The following CEP57 variants were observed in gnomAD, a reference collection of about 807,000 sequenced individuals.
CEP57 encodes centrosomal protein of 57 kDa.
Under a neutral mutation model 68.0 loss-of-function variants are expected in CEP57, and 40 were observed. The observed-to-expected ratio is 0.59, with a 90% CI of 0.46 to 0.77. The LOEUF (loss-of-function observed/expected upper bound fraction) is 0.77, where lower values mean the gene tolerates loss of function less well. CEP57 is among the 30% of genes least tolerant of loss of function. The pLI, the probability that CEP57 is intolerant of heterozygous loss-of-function variation, is 0.00. For synonymous variants in CEP57, 219 were observed against 198.7 expected (o/e 1.10, Z -0.86); for missense variants, 606 against 580.7 (o/e 1.04, Z -0.45).
intron 4 of CEP57, among the ~76,000 whole-genome samples, chr11:95,815,920 A>G (rs1475632966): frequency 1.3e-5 from 2 of 152,166 alleles, no homozygotes; most frequent in Non-Finnish European, 2.9e-5. Context: ...CCTGGCTCCA[A>G]TATTGCCTTG....
intron 1 of CEP57, among the ~76,000 whole-genome samples, chr11:95,798,362 A>G (rs1160521582): frequency 6.6e-6 from 1 of 152,210 alleles, no homozygotes; most frequent in African/African-American, 2.4e-5. Context: ...GAGATTGTTT[A>G]CTGTTTTAAA....
At chr11:95,813,256 C>A in intron 3 of CEP57, 145 bp downstream of exon 3, 2 of 1,012,736 alleles carry the variant, frequency 2.0e-6, no homozygotes, top group Non-Finnish European at 2.9e-6. Context: ...TTTTGAGGAG[C>A]AAATGCTGTT....
In CEP57 at chr11:95,813,720, G is replaced by T. The variant is rs1591067003; in HGVS notation, c.504+131G>T. 3 of 1,048,852 alleles carry T rather than the reference G, an allele frequency of 2.9e-6. No homozygotes were observed. The East Asian group carries it at 7.8e-5, about 27-fold the overall frequency. The allele number at this position is 1,048,852 out of a possible 1,614,324, so 65.0% of individuals were successfully genotyped here. A position where few individuals can be genotyped will look rare whatever the true frequency, so the allele number is the denominator to read the frequency against. ...CCAGGACTGAAATTTCTTGGCATCAGTTATGAAATCTAAATATGTGATTGG... is the reference window on the plus strand; with the variant it reads ...CCAGGACTGAAATTTCTTGGCATCATTTATGAAATCTAAATATGTGATTGG... On this transcript the variant is annotated intron_variant, in intron 4 of 10. Transcript: ENST00000325542.
chr11:95,811,986 A>T (rs1489387021), intron 2 of CEP57, among the ~76,000 whole-genome samples: 1 of 152,134 alleles, frequency 6.6e-6, no homozygotes, highest in African/African-American at 2.4e-5. Flanking sequence ...TATAGGAAAA[A>T]ATTTAAATAA....
chr11:95,811,580 TAAAAA>T (rs57349391), intron 2 of CEP57, among the ~76,000 whole-genome samples: 2 of 132,752 alleles, frequency 1.5e-5, no homozygotes, highest in African/African-American at 5.5e-5. Flanking sequence ...AAAGTATAAT[TAAAAA>T]AAAAAAAAAC....
intron 3 of CEP57, 25 bp from the exon 4 acceptor site, chr11:95,813,443 T>C (rs200167788): frequency 1.2e-6 from 2 of 1,607,734 alleles, no homozygotes; most frequent in South Asian, 1.1e-5. Context: ...AGTTGATTTC[T>C]GCTTTTCTTA....
chr11:95,808,357 A>G (rs1861902826), intron 2 of CEP57, among the ~76,000 whole-genome samples: 1 of 152,198 alleles, frequency 6.6e-6, no homozygotes, highest in African/African-American at 2.4e-5. Flanking sequence ...GATCAAATTC[A>G]CACATAACAA....
chr11:95,799,240 T>G lies in CEP57; in HGVS notation c.54T>G (p.Phe18Leu). The change falls in exon 2 of 11, where the codon TTT becomes TTG. Residue 18 changes from phenylalanine to leucine, a missense_variant. Coordinates refer to ENST00000325542, the MANE Select transcript of CEP57 (RefSeq NM_014679.5). ...GTGTCTTTATTTTTTAGAACAGCTT[T>G]GCTGAGCCATCAAGGTCTAATGGAA... ...AASGSHLSNS[F>L]AEPSRSNGSM... 1 of 1,614,126 alleles carries G rather than the reference T, an allele frequency of 6.2e-7. No individual in the cohort carries two copies. Among genetic ancestry groups the G allele is most frequent in the Non-Finnish European group, 8.5e-7 (1 of 1,179,988 alleles).
At chr11:95,817,610 A>G (rs939183399) in intron 4 of CEP57, among the ~76,000 whole-genome samples, 177 bp from the exon 5 acceptor site, 2 of 152,216 alleles carry the variant, frequency 1.3e-5, no homozygotes, top group African/African-American at 4.8e-5. Flanking sequence ...AACTGAGCTA[A>G]GAACAGTATC....
At chr11:95,819,147 G>T (rs553842178) in intron 6 of CEP57, among the ~76,000 whole-genome samples, 2 of 152,026 alleles carry the variant, frequency 1.3e-5, no homozygotes, top group Admixed American at 6.5e-5. Context: ...AAAAATAACA[G>T]ACTAAAAAAC....
At chr11:95,816,523 A>G (rs1237152044) in intron 4 of CEP57, among the ~76,000 whole-genome samples, 10 of 152,222 alleles carry the variant, frequency 6.6e-5, no homozygotes, top group Non-Finnish European at 1.2e-4. Flanking sequence ...TGACTAATAT[A>G]TGTCTTGGAG....
At chr11:95,821,999 C>T (rs1327437279) in intron 7 of CEP57, 21 bp downstream of exon 7, 6 of 1,523,238 alleles carry the variant, frequency 3.9e-6, no homozygotes, top group Non-Finnish European at 3.6e-6. Context: ...AGAACCAAAT[C>T]AGGCAAAATG....
Position 95,827,916 on chromosome 11 carries a change from G to T in CEP57, c.1016G>T (p.Arg339Leu), listed in dbSNP as rs147322386. ...CCTTTGGCAAAGCAAGTATCTTCAC[G>T]AGGTGGTAAAAGTAAGAAGTTGTCA... ...SIPLAKQVSS[R>L]GGKSKKLSVT... Residue 339 changes from arginine (R) to leucine (L), a missense_variant, in exon 9 of 11, where the codon CGA becomes CTA. Physicochemically the swap from Arg to Leu is moderately radical, Grantham distance 102. Coordinates refer to ENST00000325542, the MANE Select transcript of CEP57 (RefSeq NM_014679.5). The T allele has an allele frequency of 1.9e-6, 3 of 1,614,108 alleles. No individual in the cohort carries two copies. The highest frequency in any genetic ancestry group is 1.1e-5 in the South Asian group (1 of 91,076).
chr11:95,795,736 C>A (rs532070622), intron 1 of CEP57, among the ~76,000 whole-genome samples: 1 of 152,104 alleles, frequency 6.6e-6, no homozygotes, highest in Non-Finnish European at 1.5e-5. Context: ...TGTTGACGAT[C>A]GTATTGATAT....
At chr11:95,816,784 G>A (rs143404430) in intron 4 of CEP57, among the ~76,000 whole-genome samples, 1,528 of 152,210 alleles carry the variant, frequency 0.01, 16 homozygotes, top group Admixed American at 0.02. Context: ...AATGGTTTAC[G>A]GGTGGATTAC....
chr11:95,794,391 C>G, intron 1 of CEP57: 3 of 450,346 alleles, frequency 6.7e-6, no homozygotes, highest in South Asian at 4.7e-5. Context: ...CTCGGTCATA[C>G]TAAATTGTTT....
At chr11:95,818,960 C>T (rs961996507) in intron 6 of CEP57, 56 bp downstream of exon 6, 4 of 1,300,028 alleles carry the variant, frequency 3.1e-6, no homozygotes, top group Middle Eastern at 3.7e-4. Context: ...TTTTTGTGTA[C>T]AAGTAAACAA....
intron 2 of CEP57, among the ~76,000 whole-genome samples, chr11:95,812,423 T>TA (rs1862107141): frequency 6.6e-6 from 1 of 151,934 alleles, no homozygotes; most frequent in Admixed American, 6.6e-5. Flanking sequence ...GTCTTTTTTT[T>TA]AATTTATTAT....
Position 95,817,899 on chromosome 11 carries a change from C to T in CEP57, c.617C>T (p.Ala206Val). ...AAACTTACCACAATGCAGGCCCTTG[C>T]AGAAGTCAGTGCATGTGTCTTTTTA... ...YNKLTTMQALAEKKMQELEAK... is the reference protein window; with the variant it reads ...YNKLTTMQALVEKKMQELEAK... The change falls in exon 5 of 11, where the codon GCA (alanine) becomes GTA (valine). Residue 206 changes from alanine (A) to valine (V), a missense_variant. Coordinates refer to ENST00000325542, the MANE Select transcript of CEP57 (RefSeq NM_014679.5). 6.3e-7 allele frequency: 1 copy of T among 1,595,166 alleles called. No individual in the cohort carries two copies. Among genetic ancestry groups the T allele is most frequent in the East Asian group, 2.2e-5 (1 of 44,732 alleles).
Sources: allele counts gnomAD v4.1 joint callset (sites outside exome capture counted in the v4.1 genomes callset), GRCh38; gene constraint gnomAD v4.1.1; transcripts MANE v1.5; gene names NCBI Gene and HGNC (gene_info 2026-07-23, HGNC 2026-07-21).